Variants in FRMD4B observed in about 807,000 individuals in gnomAD.
FRMD4B encodes the protein FERM domain containing 4B.
A neutral mutation model predicts 141.5 loss-of-function variants in FRMD4B; 74 were observed. That is an observed-to-expected ratio of 0.52 (90% CI 0.43 to 0.63). FRMD4B has a LOEUF of 0.63. Ranked by LOEUF, FRMD4B falls within the 30% of genes least tolerant of loss-of-function variation. The pLI, the probability that FRMD4B is intolerant of heterozygous loss-of-function variation, is 0.00. For missense variants in FRMD4B, 1,366 were observed against 1,253.4 expected, an observed-to-expected ratio of 1.09 and a Z score of -1.36; for synonymous variants, 506 against 467.9, an observed-to-expected ratio of 1.08 and a Z score of -1.05.
intron 11 of FRMD4B, chr3:69,200,559 G>A: frequency 9.0e-7 from 1 of 1,111,220 alleles, no homozygotes; most frequent in Non-Finnish European, 1.1e-6. Context: ...CACAAACTGA[G>A]CCTCCCACGG....
At chr3:69,364,477 T>C (rs976805728) in intron 1 of FRMD4B, among the ~76,000 whole-genome samples, 8 of 152,216 alleles carry the variant, frequency 5.3e-5, no homozygotes, top group South Asian at 2.1e-4. Flanking sequence ...AAAACATTCA[T>C]TGGGAAACTT....
chr3:69,464,222 A>T (rs1448842137), intron 1 of FRMD4B, among the ~76,000 whole-genome samples: 1 of 152,134 alleles, frequency 6.6e-6, no homozygotes, highest in Non-Finnish European at 1.5e-5. Context: ...CATGCTGGTA[A>T]CTTTTTTTGC....
At chr3:69,484,283 C>A (rs1487804136) in intron 1 of FRMD4B, among the ~76,000 whole-genome samples, 2 of 152,196 alleles carry the variant, frequency 1.3e-5, no homozygotes, top group African/African-American at 4.8e-5. Context: ...CAGATTCCCA[C>A]AGGGGCTGGA....
chr3:69,343,234 C>G (rs943342917), intron 1 of FRMD4B, among the ~76,000 whole-genome samples: 1 of 152,024 alleles, frequency 6.6e-6, no homozygotes, highest in South Asian at 2.1e-4. Flanking sequence ...ATTGAAGGCA[C>G]GAGCCACTGC....
At chr3:69,301,908 A>T (rs114431726) in intron 4 of FRMD4B, among the ~76,000 whole-genome samples, 451 of 152,338 alleles carry the variant, frequency 3.0e-3, no homozygotes, top group Non-Finnish European at 5.3e-3. Context: ...TAAGGCATCA[A>T]ATTGTACAGA....
chr3:69,298,672 G>T (rs745833707), intron 4 of FRMD4B, among the ~76,000 whole-genome samples: 40 of 152,278 alleles, frequency 2.6e-4, no homozygotes, highest in Non-Finnish European at 5.3e-4. Context: ...TGGCCTGGAA[G>T]AAACTTCCTC....
intron 1 of FRMD4B, among the ~76,000 whole-genome samples, chr3:69,361,638 A>G (rs920300930): frequency 6.6e-6 from 1 of 152,138 alleles, no homozygotes; most frequent in African/African-American, 2.4e-5. Flanking sequence ...ACTGAGCAAA[A>G]TGTTTTTGAT....
At chr3:69,442,062 A>T (rs1041726590) in intron 1 of FRMD4B, among the ~76,000 whole-genome samples, 3 of 151,816 alleles carry the variant, frequency 2.0e-5, no homozygotes, top group African/African-American at 7.3e-5. Context: ...TCTATCTCAG[A>T]TTACACAATC....
chr3:69,445,070 T>A (rs931747495), intron 1 of FRMD4B, among the ~76,000 whole-genome samples: 2 of 152,102 alleles, frequency 1.3e-5, no homozygotes, highest in Admixed American at 6.5e-5. Context: ...AGTAAACTCC[T>A]CCGAGCACTC....
At chr3:69,479,447 A>G (rs7426474) in intron 1 of FRMD4B, among the ~76,000 whole-genome samples, 29,913 of 151,758 alleles carry the variant, frequency 0.2, 3,771 homozygotes, top group African/African-American at 0.36. Flanking sequence ...AAAGGATTTT[A>G]TTTCTCCTTC....
At chr3:69,242,844 A>C (rs2093396248) in intron 7 of FRMD4B, among the ~76,000 whole-genome samples, 1 of 151,714 alleles carries the variant, frequency 6.6e-6, no homozygotes, top group Non-Finnish European at 1.5e-5. Context: ...AAATACAAAA[A>C]TTAGCCGGGC....
intron 4 of FRMD4B, among the ~76,000 whole-genome samples, chr3:69,299,618 G>A (rs1701146195): frequency 6.6e-6 from 1 of 152,144 alleles, no homozygotes; most frequent in South Asian, 2.1e-4. Flanking sequence ...GAATTGCAAT[G>A]TACTTTTTCA....
chr3:69,469,562 T>C (rs903527927), intron 1 of FRMD4B, among the ~76,000 whole-genome samples: 3 of 152,236 alleles, frequency 2.0e-5, no homozygotes, highest in African/African-American at 7.2e-5. Flanking sequence ...TGATTTTCCT[T>C]GATTTCAAAT....
At chr3:69,457,059 T>A (rs1705630384) in intron 1 of FRMD4B, among the ~76,000 whole-genome samples, 1 of 152,198 alleles carries the variant, frequency 6.6e-6, no homozygotes, top group African/African-American at 2.4e-5. Context: ...TGTGTGTGTA[T>A]ATTTAACAAT....
intron 1 of FRMD4B, among the ~76,000 whole-genome samples, chr3:69,449,396 C>T (rs1705458974): frequency 6.6e-6 from 1 of 152,180 alleles, no homozygotes; most frequent in East Asian, 1.9e-4. Flanking sequence ...ATTTTGCTTC[C>T]AGAGCACTAA....
chr3:69,347,054 A>C (rs187211602), intron 1 of FRMD4B, among the ~76,000 whole-genome samples: 4 of 152,354 alleles, frequency 2.6e-5, no homozygotes, highest in Admixed American at 2.6e-4. Flanking sequence ...ATAAAGAGTC[A>C]AGACCCATCA....
At position 69,536,316 on chromosome 3, in the gene FRMD4B, A is replaced by T. The variant is rs948328274; in HGVS notation, c.-129+5890T>A. On this transcript the variant is annotated intron_variant, in intron 1 of 5. Coordinates refer to the FRMD4B transcript ENST00000459638. ...GCTGGATTTTCCTCTTGTGCTTGGG[A>T]TCTAATTTGAAGCTGCCAGTGGCCC... 5.9e-5 allele frequency: 38 copies of T among 648,672 alleles called. 1 individual carries two copies. Among genetic ancestry groups the T allele is most frequent in the South Asian group, 4.4e-4 (25 of 56,320 alleles). 40.2% of individuals were successfully genotyped at this position (648,672 alleles called of 1,614,324 possible). A position where few individuals can be genotyped will look rare whatever the true frequency, so the allele number is the denominator to read the frequency against.
chr3:69,282,653 T>C (rs1368525006), intron 5 of FRMD4B, among the ~76,000 whole-genome samples: 1 of 152,164 alleles, frequency 6.6e-6, no homozygotes, highest in African/African-American at 2.4e-5. Flanking sequence ...TATACGTATA[T>C]TTGGAGATGG....
intron 7 of FRMD4B, among the ~76,000 whole-genome samples, chr3:69,227,896 TA>T (rs1289782713): frequency 6.6e-6 from 1 of 151,292 alleles, no homozygotes; most frequent in African/African-American, 2.4e-5. Flanking sequence ...ATGTTAATAA[TA>T]GGGGAAACAG....
Sources: allele counts gnomAD v4.1 joint callset (sites outside exome capture counted in the v4.1 genomes callset), GRCh38; gene constraint gnomAD v4.1.1; transcripts MANE v1.5; gene names NCBI Gene and HGNC (gene_info 2026-07-23, HGNC 2026-07-21).